Variants in NALF1 observed in about 807,000 individuals in gnomAD.
NALF1 encodes family with sequence similarity 155 member A.
A neutral mutation model predicts 48.4 loss-of-function variants in NALF1; 3 were observed. The ratio of observed to expected loss-of-function variants is 0.06; its 90% CI spans 0.03 to 0.16. The LOEUF is 0.16. NALF1 is among the 10% of genes least tolerant of loss of function. NALF1 has a pLI of 1.00. For missense variants in NALF1, 526 were observed against 571.5 expected, an observed-to-expected ratio of 0.92 and a Z score of 0.81; for synonymous variants, 262 against 245.7, an observed-to-expected ratio of 1.07 and a Z score of -0.62.
chr13:107,802,701 G>A (rs1878657730), intron 1 of NALF1, among the ~76,000 whole-genome samples: 1 of 152,094 alleles, frequency 6.6e-6, no homozygotes, highest in Non-Finnish European at 1.5e-5. Context: ...CCAGCATGAT[G>A]CTTAGTAGAG....
intron 1 of NALF1, among the ~76,000 whole-genome samples, chr13:107,361,886 CT>C (rs1245959920): frequency 6.6e-6 from 1 of 152,138 alleles, no homozygotes; most frequent in Non-Finnish European, 1.5e-5. Context: ...AGATGATTCA[CT>C]TTAGGCAATG....
intron 1 of NALF1, among the ~76,000 whole-genome samples, chr13:107,838,751 T>C (rs1421158044): frequency 6.6e-6 from 1 of 152,148 alleles, no homozygotes; most frequent in East Asian, 1.9e-4. Context: ...AAAAAATACA[T>C]GCTGTTGGAG....
intron 2 of NALF1, among the ~76,000 whole-genome samples, chr13:107,186,077 C>T (rs1879164647): frequency 6.6e-6 from 1 of 152,170 alleles, no homozygotes; most frequent in Non-Finnish European, 1.5e-5. Flanking sequence ...TCCATTAGTC[C>T]AGCATGTCCA....
chr13:107,210,476 G>T, intron 2 of NALF1, 108 bp downstream of exon 2: 1 of 769,724 alleles, frequency 1.3e-6, no homozygotes, highest in Non-Finnish European at 2.2e-6. Context: ...ACTACCAGCC[G>T]CATCTTCAAG....
At chr13:107,223,806 A>C (rs1250846929) in intron 1 of NALF1, among the ~76,000 whole-genome samples, 1 of 152,202 alleles carries the variant, frequency 6.6e-6, no homozygotes, top group Admixed American at 6.5e-5. Context: ...TAAGAATATA[A>C]GTACACACTC....
rs373948522 is a variant in NALF1, at chr13:107,818,740, C to T, written c.915+46942G>A. The stretch of plus-strand genomic sequence containing the variant: ...ACAAAAAATTAGCCGGGCGTGGTAG[C>T]GGGCGCCTGTAGTCCCAGCTACTCG... On this transcript the variant is annotated intron_variant, in intron 1 of 2. Coordinates refer to ENST00000375915, the MANE Select transcript of NALF1 (RefSeq NM_001080396.3). 6.9e-3 allele frequency among the ~76,000 whole-genome samples: 991 copies of T among 144,396 alleles called. 22 individuals carry two copies. The highest frequency in any genetic ancestry group is 0.067 in the East Asian group (323 of 4,800). The allele number at this position is 144,396 out of a possible 152,430, so 94.7% of individuals were successfully genotyped here. A position where few individuals can be genotyped will look rare whatever the true frequency, so the allele number is the denominator to read the frequency against.
chr13:107,520,422 C>T (rs1876199995), intron 1 of NALF1, among the ~76,000 whole-genome samples: 1 of 152,120 alleles, frequency 6.6e-6, no homozygotes, highest in Admixed American at 6.5e-5. Context: ...ATTATTACAA[C>T]AGAAAGTAAG....
chr13:107,846,430 C>G (rs1880173425), intron 1 of NALF1, among the ~76,000 whole-genome samples: 1 of 152,152 alleles, frequency 6.6e-6, no homozygotes. Context: ...GTCAGGGAAA[C>G]TTCGTCTATC....
intron 1 of NALF1, among the ~76,000 whole-genome samples, chr13:107,211,960 G>A (rs1234990956): frequency 1.3e-5 from 2 of 152,092 alleles, no homozygotes; most frequent in Non-Finnish European, 2.9e-5. Context: ...ATTAGGTAAT[G>A]GAAATGGAAA....
chr13:107,577,773 T>G (rs1477894464), intron 1 of NALF1, among the ~76,000 whole-genome samples: 1 of 152,142 alleles, frequency 6.6e-6, no homozygotes. Flanking sequence ...CCCATAAGCT[T>G]CTTAAATGCT....
rs150883550 is a variant in NALF1, at chr13:107,224,315, G to A, written c.916-13560C>T. Among the ~76,000 whole-genome samples the A allele has an allele frequency of 8.8e-3, 1,337 of 151,226 alleles. 15 individuals are homozygous for A. Among genetic ancestry groups the A allele is most frequent in the African/African-American group, 0.03 (1,247 of 41,326 alleles). On this transcript the variant is annotated intron_variant, in intron 1 of 2. Transcript: ENST00000375915. Reference sequence around the variant, plus strand: ...GATGCAAAACATGTAATAAAATCTGGTCATTTAATTTTAATAATTTTCTGT... The same window carrying A: ...GATGCAAAACATGTAATAAAATCTGATCATTTAATTTTAATAATTTTCTGT...
chr13:107,535,172 A>T (rs1876763786), intron 1 of NALF1, among the ~76,000 whole-genome samples: 1 of 152,024 alleles, frequency 6.6e-6, no homozygotes, highest in Non-Finnish European at 1.5e-5. Flanking sequence ...TACCCTTTAT[A>T]TCTTTCTCCT....
At chr13:107,354,518 G>C (rs1218324873) in intron 1 of NALF1, among the ~76,000 whole-genome samples, 3 of 152,170 alleles carry the variant, frequency 2.0e-5, no homozygotes, top group Non-Finnish European at 4.4e-5. Context: ...ACACTCATGA[G>C]AGCAGCAAGG....
At chr13:107,826,402 A>G (rs2138622354) in intron 1 of NALF1, among the ~76,000 whole-genome samples, 1 of 152,328 alleles carries the variant, frequency 6.6e-6, no homozygotes, top group East Asian at 1.9e-4. Flanking sequence ...CCACAGTTCA[A>G]GAGCTGCCAA....
rs1555329321 is a variant in NALF1, at chr13:107,262,769, G to GCTCTCTCTCTCTCTCTCTCTCTCTCT, written c.916-52040_916-52015dup. 1.1e-3 allele frequency among the ~76,000 whole-genome samples: 163 copies of GCTCTCTCTCTCTCTCTCTCTCTCTCT among 144,082 alleles called. 1 individual carries two copies. The highest frequency in any genetic ancestry group is 4.1e-3 in the African/African-American group (153 of 37,776). The allele number at this position is 144,082 out of a possible 152,430, so 94.5% of individuals were successfully genotyped here. A position where few individuals can be genotyped will look rare whatever the true frequency, so the allele number is the denominator to read the frequency against. ...ATATTAAGTTGCATAACCCACAGGC[G>GCTCTCTCTCTCTCTCTCTCTCTCTCT]CTCTCTCTCTCTCTCTCTCTCTCTC... On this transcript the variant is annotated intron_variant, in intron 1 of 2. Transcript: ENST00000375915.
At position 107,167,089 on chromosome 13, in the gene NALF1, T is replaced by G. The variant is rs990848501; in HGVS notation, c.*3408A>C. The G allele has an allele frequency of 1.3e-5, 2 of 152,184 alleles. No homozygotes were observed. The highest frequency in any genetic ancestry group is 2.9e-5 in the Non-Finnish European group (2 of 68,026). 9.4% of individuals were successfully genotyped at this position (152,184 alleles called of 1,614,324 possible). A position where few individuals can be genotyped will look rare whatever the true frequency, so the allele number is the denominator to read the frequency against. ...CATTTAGCTTAGCAGTACCAACATA[T>G]TCCAGAAACTGAAATTTCTCTATTG... On this transcript the variant is annotated 3_prime_UTR_variant, in exon 3 of 3. Coordinates refer to ENST00000375915, the MANE Select transcript of NALF1 (RefSeq NM_001080396.3).
intron 1 of NALF1, among the ~76,000 whole-genome samples, chr13:107,701,844 A>C (rs1316774668): frequency 6.6e-6 from 1 of 152,230 alleles, no homozygotes; most frequent in Non-Finnish European, 1.5e-5. Context: ...TGTAAGCCTC[A>C]AATATACATA....
intron 1 of NALF1, among the ~76,000 whole-genome samples, chr13:107,592,486 A>G (rs1202672219): frequency 1.3e-5 from 2 of 151,946 alleles, no homozygotes; most frequent in Admixed American, 6.6e-5. Flanking sequence ...CACCATTGCT[A>G]TGAAAAAACA....
intron 1 of NALF1, among the ~76,000 whole-genome samples, chr13:107,298,583 C>T (rs1881772632): frequency 6.6e-6 from 1 of 151,604 alleles, no homozygotes; most frequent in Admixed American, 6.6e-5. Context: ...AGGCATGCAC[C>T]ACCACACCTG....
Sources: gnomAD v4.1 joint callset for allele counts (sites outside exome capture counted in the v4.1 genomes callset) on GRCh38, gnomAD v4.1.1 for gene constraint, MANE v1.5 for transcripts, NCBI Gene and HGNC (gene_info 2026-07-23, HGNC 2026-07-21) for gene names.